The following ABCA1 variants were observed in gnomAD, a reference collection of about 807,000 sequenced individuals.
ABCA1 encodes ATP binding cassette subfamily A member 1.
Under a neutral mutation model 262.5 loss-of-function variants are expected in ABCA1, and 133 were observed. The ratio of observed to expected loss-of-function variants is 0.51; its 90% confidence interval spans 0.44 to 0.59. The LOEUF (loss-of-function observed/expected upper bound fraction) is 0.59. ABCA1 is among the 20% of genes least tolerant of loss of function. The pLI is 0.00. For missense variants in ABCA1, 2,452 were observed against 2,777.5 expected (o/e 0.88, Z 2.63); for synonymous variants, 1,022 against 1,043.5 (o/e 0.98, Z 0.40).
At chr9:104,873,556 T>C (rs568612740) in intron 5 of ABCA1, among the ~76,000 whole-genome samples, 1 of 152,352 alleles carries the variant, frequency 6.6e-6, no homozygotes, top group Non-Finnish European at 1.5e-5. Context: ...TACTCAGAGC[T>C]GCTCTCTTTA....
intron 5 of ABCA1, among the ~76,000 whole-genome samples, chr9:104,878,063 C>G (rs1419637361): frequency 6.6e-6 from 1 of 152,174 alleles, no homozygotes; most frequent in Admixed American, 6.5e-5. Context: ...ACACAAAACT[C>G]ACCCAGAGAA....
chr9:104,787,139 T>C (rs535454259), intron 46 of ABCA1, among the ~76,000 whole-genome samples, 163 bp from the exon 47 acceptor site: 1 of 152,372 alleles, frequency 6.6e-6, no homozygotes, highest in South Asian at 2.1e-4. Context: ...CAAATTCATT[T>C]GTAAACAAGG....
rs1257797803 is a variant in ABCA1 at position 104,791,006 on chromosome 9, T to A, written c.5843A>T (p.Asn1948Ile). Residue 1948 changes from asparagine (N) to isoleucine (I), a missense_variant, in exon 44 of 50, where the codon AAT becomes ATT. Asn to Ile is a moderately radical substitution (Grantham distance 149). This residue lies in a region of ABCA1 where 752 missense variants were observed against 944.5 expected (regional missense o/e 0.80). Coordinates refer to ENST00000374736, the MANE Select transcript of ABCA1 (RefSeq NM_005502.4). ...PGECFGLLGV[N>I]GAGKSSTFKM... ...GAAAGTTGATGATTTTCCAGCCCCA[T>A]TAACTCCCAGGAGCCCAAAGCACTG... 3 of 1,613,814 alleles carry A rather than the reference T, an allele frequency of 1.9e-6. No individual in the cohort carries two copies. Among genetic ancestry groups the A allele is most frequent in the Non-Finnish European group, 2.5e-6 (3 of 1,179,812 alleles).
At chr9:104,788,851 T>C (rs1469896989) in intron 44 of ABCA1, among the ~76,000 whole-genome samples, 1 of 152,194 alleles carries the variant, frequency 6.6e-6, no homozygotes, top group African/African-American at 2.4e-5. Flanking sequence ...TGCCAACCAC[T>C]GCACATTCTT....
rs867614695 is a variant in ABCA1, at chr9:104,926,460, A to C, written c.-93+1475T>G. Among the ~76,000 whole-genome samples, 697 of 122,764 alleles carry C rather than the reference A, an allele frequency of 5.7e-3. 4 individuals carry two copies. Among genetic ancestry groups the C allele is most frequent in the African/African-American group, 9.5e-3 (313 of 32,882 alleles). The allele number at this position is 122,764 out of a possible 152,430, so 80.5% of individuals were successfully genotyped here. On this transcript the variant is annotated intron_variant, in intron 1 of 49. Coordinates refer to ENST00000374736, the MANE Select transcript of ABCA1 (RefSeq NM_005502.4). ...GGCAAACACGCTAACAAAAAAAAAA[A>C]CCAAAAAAACAAAAAAAAAAAAACA...
intron 2 of ABCA1, among the ~76,000 whole-genome samples, chr9:104,891,004 G>A (rs1460341317): frequency 6.6e-6 from 1 of 151,762 alleles, no homozygotes; most frequent in Non-Finnish European, 1.5e-5. Flanking sequence ...ATATACTTTT[G>A]TATTCTGTTT....
intron 5 of ABCA1, among the ~76,000 whole-genome samples, chr9:104,878,533 C>A (rs749460922): frequency 3.9e-4 from 60 of 152,176 alleles, no homozygotes; most frequent in Non-Finnish European, 6.6e-4. Context: ...CCCAGAATAT[C>A]CCTTCTGTGG....
intron 7 of ABCA1, among the ~76,000 whole-genome samples, chr9:104,850,319 A>T (rs2119069215): frequency 1.3e-5 from 2 of 152,220 alleles, no homozygotes; most frequent in South Asian, 4.1e-4. Flanking sequence ...GCAGTGTTTC[A>T]CCATGTTGGC....
intron 8 of ABCA1, among the ~76,000 whole-genome samples, chr9:104,842,481 A>C (rs1214713848): frequency 6.6e-6 from 1 of 152,162 alleles, no homozygotes; most frequent in African/African-American, 2.4e-5. Context: ...CTTTCTAAAG[A>C]AGCACCATAA....
chr9:104,804,388 GTT>G (rs974630007), intron 32 of ABCA1, among the ~76,000 whole-genome samples: 3 of 152,212 alleles, frequency 2.0e-5, no homozygotes, highest in African/African-American at 7.2e-5. Flanking sequence ...AAAATTTGAC[GTT>G]GAATCCATTT....
intron 8 of ABCA1, 136 bp downstream of exon 8, chr9:104,845,341 A>G: frequency 1.4e-6 from 1 of 703,402 alleles, no homozygotes; most frequent in Non-Finnish European, 2.6e-6. Flanking sequence ...ATTATTGTTT[A>G]CATCACTTAT....
At chr9:104,906,807 T>C (rs1383147517) in intron 1 of ABCA1, among the ~76,000 whole-genome samples, 1 of 150,576 alleles carries the variant, frequency 6.6e-6, no homozygotes, top group Non-Finnish European at 1.5e-5. Flanking sequence ...GATTTCTCAA[T>C]GTTTCAAATG....
intron 24 of ABCA1, 127 bp from the exon 25 acceptor site, chr9:104,816,472 G>T: frequency 1.2e-6 from 1 of 867,398 alleles, no homozygotes; most frequent in Non-Finnish European, 1.9e-6. Flanking sequence ...AGGTGTTTAG[G>T]TCATTCCACA....
chr9:104,794,003 C>T (rs774235820), intron 40 of ABCA1, among the ~76,000 whole-genome samples: 34 of 152,186 alleles, frequency 2.2e-4, no homozygotes, highest in Non-Finnish European at 3.8e-4. Flanking sequence ...GCACATGATT[C>T]GCCTAAAAGA....
In ABCA1 at chr9:104,791,033, A is replaced by G. The variant is rs1829379484; in HGVS notation, c.5821-5T>C. ...AACTCCCAGGAGCCCAAAGCACTGAAAAGGAAAGATTAAGTTGTATAAGCA... is the reference window on the plus strand; with the variant it reads ...AACTCCCAGGAGCCCAAAGCACTGAGAAGGAAAGATTAAGTTGTATAAGCA... On this transcript the variant is annotated splice_region_variant and splice_polypyrimidine_tract_variant and intron_variant, in intron 43 of 49. Transcript: ENST00000374736. 8 of 1,609,888 alleles carry G rather than the reference A, an allele frequency of 5.0e-6. No individual in the cohort carries two copies. Among genetic ancestry groups the G allele is most frequent in the Non-Finnish European group, 6.0e-6 (7 of 1,176,308 alleles).
intron 5 of ABCA1, among the ~76,000 whole-genome samples, chr9:104,869,842 C>T (rs191341131): frequency 2.0e-5 from 3 of 152,228 alleles, no homozygotes; most frequent in Admixed American, 1.3e-4. Context: ...AGTTATGTGG[C>T]CTTGGGAAAG....
At chr9:104,801,246 G>A (rs1029118809) in intron 34 of ABCA1, among the ~76,000 whole-genome samples, 3 of 152,124 alleles carry the variant, frequency 2.0e-5, no homozygotes, top group African/African-American at 7.2e-5. Context: ...TTGAGATGGA[G>A]TCTTGCTCTG....
At chr9:104,828,030 C>T (rs192963184) in intron 15 of ABCA1, among the ~76,000 whole-genome samples, 280 of 152,238 alleles carry the variant, frequency 1.8e-3, no homozygotes, top group Admixed American at 2.9e-3. Context: ...TTATTTTTAC[C>T]TGATGTGTCT....
intron 6 of ABCA1, among the ~76,000 whole-genome samples, chr9:104,860,022 C>T (rs1053939557): frequency 6.8e-6 from 1 of 147,322 alleles, no homozygotes; most frequent in Non-Finnish European, 1.5e-5. Context: ...CCACTGCACT[C>T]CAGCCTGGGT....
Sources: allele counts gnomAD v4.1 joint callset (sites outside exome capture counted in the v4.1 genomes callset), GRCh38; gene constraint gnomAD v4.1.1; regional missense constraint gnomAD v4.1.1; transcripts MANE v1.5; gene names NCBI Gene and HGNC (gene_info 2026-07-23, HGNC 2026-07-21).